Variants in ALPK1 observed in about 807,000 individuals in gnomAD.
The protein encoded by ALPK1 is alpha-protein kinase 1.
In ALPK1, 110 loss-of-function variants were observed where a neutral mutation model predicts 120.6. That is an observed-to-expected ratio of 0.91 (90% CI 0.78 to 1.07). The LOEUF (loss-of-function observed/expected upper bound fraction) is 1.07, where lower values mean the gene tolerates loss of function less well. Among genes scored for constraint, ALPK1 ranks in the 50% least tolerant of loss-of-function variants. The probability of loss-of-function intolerance (pLI) is 0.00; values close to 1 mark genes in which losing one functional copy is unlikely to be tolerated. For synonymous variants in ALPK1, 582 were observed against 560.3 expected, an observed-to-expected ratio of 1.04 and a Z score of -0.55; for missense variants, 1,498 against 1,483.9, an observed-to-expected ratio of 1.01 and a Z score of -0.16.
intron 3 of ALPK1, among the ~76,000 whole-genome samples, chr4:112,381,044 G>C (rs1731881149): frequency 6.6e-6 from 1 of 152,222 alleles, no homozygotes; most frequent in Admixed American, 6.5e-5. Context: ...CAAAGAGCCG[G>C]AACGGGATTT....
At position 112,338,748 on chromosome 4, in the gene ALPK1, C is replaced by T. The variant is rs193098802; in HGVS notation, c.-101+22896C>T. On this transcript the variant is annotated intron_variant, in intron 2 of 15. Transcript: ENST00000650871. ...TACATTAACTATAAATAAATTTCAG[C>T]GTGAATATAGATATTGCCAGCATTA... Among the ~76,000 whole-genome samples the T allele has an allele frequency of 2.6e-3, 399 of 152,236 alleles. 3 individuals carry two copies. Among genetic ancestry groups the T allele is most frequent in the African/African-American group, 8.9e-3 (370 of 41,540 alleles).
intron 4 of ALPK1, among the ~76,000 whole-genome samples, chr4:112,409,241 A>C (rs1194717633): frequency 6.6e-6 from 1 of 152,102 alleles, no homozygotes; most frequent in Admixed American, 6.5e-5. Flanking sequence ...AAGGGTGTCA[A>C]GGCCAAGTAG....
intron 5 of ALPK1, chr4:112,414,433 C>A (rs1013384784): frequency 7.6e-6 from 3 of 394,024 alleles, no homozygotes; most frequent in Non-Finnish European, 5.3e-6. Flanking sequence ...ATGATGAAAC[C>A]CCATCTCTAC....
intron 2 of ALPK1, among the ~76,000 whole-genome samples, chr4:112,339,604 T>G (rs758225847): frequency 6.6e-5 from 10 of 152,224 alleles, no homozygotes; most frequent in Non-Finnish European, 1.0e-4. Context: ...AATTTTCCTT[T>G]GTTTTAACTA....
intron 2 of ALPK1, chr4:112,358,772 G>A (rs948892261): frequency 3.7e-5 from 30 of 819,148 alleles, no homozygotes; most frequent in South Asian, 1.3e-4. Context: ...AGATGAACAC[G>A]GCCAAGCTCT....
chr4:112,327,910 C>A (rs973363635), intron 2 of ALPK1, among the ~76,000 whole-genome samples: 1 of 152,162 alleles, frequency 6.6e-6, no homozygotes, highest in African/African-American at 2.4e-5. Context: ...TCTAACAAGA[C>A]AGTAGTTACG....
At chr4:112,429,839 C>CAAAAAAAAAA (rs756983786) in intron 10 of ALPK1, among the ~76,000 whole-genome samples, 2 of 40,108 alleles carry the variant, frequency 5.0e-5, no homozygotes, top group Admixed American at 2.9e-4. Flanking sequence ...GACCCTACCT[C>CAAAAAAAAAA]AAAAAAAAAA....
intron 2 of ALPK1, among the ~76,000 whole-genome samples, chr4:112,342,354 C>T (rs967735706): frequency 1.3e-5 from 2 of 152,176 alleles, no homozygotes; most frequent in African/African-American, 4.8e-5. Context: ...TACTCATTTC[C>T]ACTCCTGCAA....
chr4:112,381,512 G>A (rs1731902851), intron 3 of ALPK1, among the ~76,000 whole-genome samples: 1 of 152,142 alleles, frequency 6.6e-6, no homozygotes, highest in Admixed American at 6.5e-5. Context: ...CCTTTATTCA[G>A]AACCCTGGCA....
intron 4 of ALPK1, among the ~76,000 whole-genome samples, chr4:112,389,559 G>T (rs1419484801): frequency 2.6e-5 from 4 of 152,224 alleles, no homozygotes; most frequent in Non-Finnish European, 5.9e-5. Context: ...CCCTAGATAA[G>T]ATAGCAAATC....
chr4:112,333,663 A>G (rs1184029739), intron 2 of ALPK1, among the ~76,000 whole-genome samples: 2 of 152,160 alleles, frequency 1.3e-5, no homozygotes, highest in African/African-American at 4.8e-5. Flanking sequence ...GACCCAAAGG[A>G]GCTATATTCC....
chr4:112,340,276 G>A (rs180990329), intron 2 of ALPK1, among the ~76,000 whole-genome samples: 1 of 152,350 alleles, frequency 6.6e-6, no homozygotes, highest in African/African-American at 2.4e-5. Context: ...AAATGTAAAT[G>A]TCTACGGCAA....
At chr4:112,363,693 C>T (rs1386392047) in intron 2 of ALPK1, among the ~76,000 whole-genome samples, 1 of 152,130 alleles carries the variant, frequency 6.6e-6, no homozygotes, top group Non-Finnish European at 1.5e-5. Context: ...AACTATACAA[C>T]AAATGGACTT....
intron 2 of ALPK1, among the ~76,000 whole-genome samples, chr4:112,346,762 C>T (rs961250327): frequency 7.2e-5 from 11 of 152,202 alleles, no homozygotes; most frequent in African/African-American, 2.7e-4. Context: ...AGATTACACA[C>T]ATAGCCAACA....
chr4:112,300,299 A>G (rs1347104103), intron 1 of ALPK1, among the ~76,000 whole-genome samples: 1 of 152,140 alleles, frequency 6.6e-6, no homozygotes, highest in Non-Finnish European at 1.5e-5. Flanking sequence ...TTGTTGTCTT[A>G]CAGTGATAGA....
At chr4:112,332,117 T>C (rs1357548803) in intron 2 of ALPK1, among the ~76,000 whole-genome samples, 1 of 152,216 alleles carries the variant, frequency 6.6e-6, no homozygotes, top group African/African-American at 2.4e-5. Flanking sequence ...TCACTCACTC[T>C]ACGGTCCCAA....
intron 9 of ALPK1, among the ~76,000 whole-genome samples, chr4:112,428,926 C>T (rs901600780): frequency 1.3e-5 from 2 of 152,228 alleles, no homozygotes; most frequent in Admixed American, 6.5e-5. Flanking sequence ...TCCAAAGAAG[C>T]TCACCCAAAT....
chr4:112,427,824 G>T, intron 9 of ALPK1, 159 bp downstream of exon 9: 1 of 599,280 alleles, frequency 1.7e-6, no homozygotes, highest in Non-Finnish European at 3.0e-6. Flanking sequence ...GTCTTGTGGG[G>T]TCCTATTTGG....
intron 2 of ALPK1, among the ~76,000 whole-genome samples, chr4:112,320,992 G>A (rs1728845776): frequency 6.7e-6 from 1 of 149,712 alleles, no homozygotes; most frequent in African/African-American, 2.5e-5. Flanking sequence ...CGCCTCCCAG[G>A]TTCACGCCAT....
Sources: gnomAD v4.1 joint callset for allele counts (sites outside exome capture counted in the v4.1 genomes callset) on GRCh38, gnomAD v4.1.1 for gene constraint, MANE v1.5 for transcripts, NCBI Gene and HGNC (gene_info 2026-07-23, HGNC 2026-07-21) for gene names.